The following TRABD2B variants were observed in gnomAD, a reference collection of about 807,000 sequenced individuals.
TRABD2B encodes TraB domain containing 2B.
In TRABD2B, 14 loss-of-function variants were observed where a neutral mutation model predicts 40.1. The observed-to-expected ratio is 0.35, with a 90% CI of 0.23 to 0.55. The LOEUF (loss-of-function observed/expected upper bound fraction) is 0.55, where lower values mean the gene tolerates loss of function less well. Ranked by LOEUF, TRABD2B falls within the 20% of genes least tolerant of loss-of-function variation. TRABD2B has a pLI of 0.90. For missense variants in TRABD2B, 541 were observed against 648.6 expected (o/e 0.83, Z 1.80); for synonymous variants, 263 against 277.0 (o/e 0.95, Z 0.50).
rs79858066 is a variant in TRABD2B, at chr1:47,851,479, G to A, written c.667-49860C>T. Among the ~76,000 whole-genome samples, 678 of 152,286 alleles carry A rather than the reference G, an allele frequency of 4.5e-3. 6 individuals carry two copies. Among genetic ancestry groups the A allele is most frequent in the African/African-American group, 0.016 (665 of 41,550 alleles). ...TGGGACATGGGTGAGGAAAAAGAGGGAGGAAGGGAGGGAGAGAGGGAAAGA... is the reference window on the plus strand; with the variant it reads ...TGGGACATGGGTGAGGAAAAAGAGGAAGGAAGGGAGGGAGAGAGGGAAAGA... On this transcript the variant is annotated intron_variant, in intron 2 of 6. Coordinates refer to ENST00000606738, the MANE Select transcript of TRABD2B (RefSeq NM_001194986.2).
At chr1:47,862,935 T>G (rs1643995251) in intron 2 of TRABD2B, among the ~76,000 whole-genome samples, 1 of 152,160 alleles carries the variant, frequency 6.6e-6, no homozygotes, top group South Asian at 2.1e-4. Context: ...CTCACATAAA[T>G]GTAGTCAACT....
chr1:47,920,209 T>C (rs1042063844), intron 2 of TRABD2B, among the ~76,000 whole-genome samples: 1 of 151,970 alleles, frequency 6.6e-6, no homozygotes, highest in Non-Finnish European at 1.5e-5. Flanking sequence ...CAGAGGCAGG[T>C]GTTATAATTA....
At chr1:47,800,166 A>G (rs1644803286) in intron 3 of TRABD2B, among the ~76,000 whole-genome samples, 1 of 152,040 alleles carries the variant, frequency 6.6e-6, no homozygotes, top group African/African-American at 2.4e-5. Flanking sequence ...TAGTAGGGAG[A>G]GCAACCAATA....
At chr1:47,937,115 C>G (rs1251190821) in intron 2 of TRABD2B, among the ~76,000 whole-genome samples, 2 of 151,238 alleles carry the variant, frequency 1.3e-5, no homozygotes, top group African/African-American at 4.9e-5. Context: ...CCACCACCAG[C>G]ATGATCATCA....
intron 2 of TRABD2B, among the ~76,000 whole-genome samples, chr1:47,817,820 G>C (rs72892389): frequency 0.023 from 3,486 of 152,290 alleles, 127 homozygotes; most frequent in African/African-American, 0.079. Flanking sequence ...GCTGTCCAGA[G>C]CCGCTCTCAG....
At chr1:47,809,642 C>T (rs1051278665) in intron 2 of TRABD2B, among the ~76,000 whole-genome samples, 2 of 152,198 alleles carry the variant, frequency 1.3e-5, no homozygotes, top group Non-Finnish European at 2.9e-5. Context: ...CTCCTTGCCC[C>T]ATCGGCAGCA....
At chr1:47,777,130 T>C (rs879792315) in intron 5 of TRABD2B, among the ~76,000 whole-genome samples, 9 of 152,062 alleles carry the variant, frequency 5.9e-5, no homozygotes, top group Admixed American at 1.3e-4. Context: ...CTCGCTAGCC[T>C]CACTGGCCTG....
At chr1:47,817,699 T>A (rs1890858) in intron 2 of TRABD2B, among the ~76,000 whole-genome samples, 1 of 152,058 alleles carries the variant, frequency 6.6e-6, no homozygotes, top group African/African-American at 2.4e-5. Context: ...TCTGCTCCTC[T>A]AGGGATGAGG....
intron 2 of TRABD2B, among the ~76,000 whole-genome samples, chr1:47,814,101 A>T (rs1313765325): frequency 1.3e-5 from 2 of 152,270 alleles, no homozygotes; most frequent in Non-Finnish European, 2.9e-5. Context: ...CACATTTGCC[A>T]CACAGAAGGG....
chr1:47,991,357 G>C (rs1382524379), intron 2 of TRABD2B, among the ~76,000 whole-genome samples: 1 of 152,168 alleles, frequency 6.6e-6, no homozygotes, highest in Admixed American at 6.5e-5. Flanking sequence ...GAAGGAGCTT[G>C]AATGATGACC....
At chr1:47,790,008 G>C (rs565067102) in intron 4 of TRABD2B, among the ~76,000 whole-genome samples, 1 of 151,610 alleles carries the variant, frequency 6.6e-6, no homozygotes, top group South Asian at 2.1e-4. Flanking sequence ...TGCCAAATGA[G>C]GACTTTGAGA....
intron 2 of TRABD2B, among the ~76,000 whole-genome samples, chr1:47,987,991 G>A (rs1287931248): frequency 6.6e-6 from 1 of 152,156 alleles, no homozygotes; most frequent in Non-Finnish European, 1.5e-5. Context: ...GCTTCGGCAC[G>A]GTCTGAGGTC....
intron 2 of TRABD2B, among the ~76,000 whole-genome samples, chr1:47,954,254 C>G (rs926293639): frequency 3.3e-5 from 5 of 152,180 alleles, no homozygotes; most frequent in African/African-American, 1.2e-4. Context: ...ACCTTCCACT[C>G]TGACTGCAGT....
At chr1:47,834,645 G>A (rs190986671) in intron 2 of TRABD2B, among the ~76,000 whole-genome samples, 166 of 152,132 alleles carry the variant, frequency 1.1e-3, no homozygotes, top group African/African-American at 3.6e-3. Flanking sequence ...GGTTCCAGAC[G>A]TTTAAGTAAA....
chr1:47,791,759 G>A (rs534121200), intron 4 of TRABD2B, among the ~76,000 whole-genome samples: 20 of 152,310 alleles, frequency 1.3e-4, no homozygotes, highest in Admixed American at 6.5e-4. Context: ...TAACGAGGCC[G>A]GAGTGGACTT....
intron 2 of TRABD2B, 21 bp from the exon 3 acceptor site, chr1:47,801,640 G>A (rs776520241): frequency 3.9e-6 from 6 of 1,534,608 alleles, no homozygotes; most frequent in Non-Finnish European, 5.2e-6. Context: ...GAAAGAGAGA[G>A]GAATGAGGGC....
At chr1:47,957,782 T>C (rs1424826323) in intron 2 of TRABD2B, among the ~76,000 whole-genome samples, 1 of 152,164 alleles carries the variant, frequency 6.6e-6, no homozygotes, top group Non-Finnish European at 1.5e-5. Flanking sequence ...TGGAAAACAC[T>C]CTGCAGGATA....
chr1:47,984,127 A>T (rs1645881797), intron 2 of TRABD2B, among the ~76,000 whole-genome samples: 1 of 152,230 alleles, frequency 6.6e-6, no homozygotes, highest in African/African-American at 2.4e-5. Context: ...AAATAACCTT[A>T]ATAGGGAGGA....
rs1644994392 is a variant in TRABD2B at position 47,813,685 on chromosome 1, GACACATACCCACACCCACAC to G, written c.667-12086_667-12067del. 6.6e-6 allele frequency among the ~76,000 whole-genome samples: 1 copy of G among 152,080 alleles called. No homozygotes were observed. The highest frequency in any genetic ancestry group is 1.5e-5 in the Non-Finnish European group (1 of 68,030). ...GTAAAGCAATATTGCCCTTCCTTAG[GACACATACCCACACCCACAC>G]ACACACTTTAAGAAATTTCTGTTCC... On this transcript the variant is annotated intron_variant, in intron 2 of 6. Transcript: ENST00000606738. The surrounding 1 kb of genome is among the most constrained non-coding windows in gnomAD (Gnocchi z 4.3).
Sources: gnomAD v4.1 joint callset for allele counts (sites outside exome capture counted in the v4.1 genomes callset) on GRCh38, gnomAD v4.1.1 for gene constraint, Gnocchi (gnomAD v3.1) non-coding constraint, MANE v1.5 for transcripts, NCBI Gene and HGNC (gene_info 2026-07-23, HGNC 2026-07-21) for gene names.